Variants in DGLUCY observed in about 807,000 individuals in gnomAD.
DGLUCY encodes the protein D-glutamate cyclase, mitochondrial.
Under a neutral mutation model 58.5 loss-of-function variants are expected in DGLUCY, and 58 were observed. The ratio of observed to expected loss-of-function variants is 0.99; its 90% CI spans 0.80 to 1.23. The LOEUF is 1.23. DGLUCY is among the 50% of genes most tolerant of loss of function. The pLI, the probability that DGLUCY is intolerant of heterozygous loss-of-function variation, is 0.00. For missense variants in DGLUCY, 779 were observed against 784.7 expected, an observed-to-expected ratio of 0.99 and a Z score of 0.09; for synonymous variants, 325 against 314.1, an observed-to-expected ratio of 1.03 and a Z score of -0.37.
chr14:91,097,194 C>A (rs1040095599), intron 1 of DGLUCY, among the ~76,000 whole-genome samples: 1 of 152,110 alleles, frequency 6.6e-6, no homozygotes, highest in Non-Finnish European at 1.5e-5. Flanking sequence ...TCCAAGAGTT[C>A]AAGACCAGCC....
chr14:91,167,294 T>A lies in DGLUCY; in HGVS notation c.173T>A (p.Val58Asp), dbSNP rs778697832. Residue 58 changes from valine to aspartate, a missense_variant, in exon 4 of 14, where the codon GTC (valine) becomes GAC (aspartate). Val to Asp is a radical substitution (Grantham distance 152, BLOSUM62 -3). Transcript: ENST00000256324. ...CCAGCTTTTGAAAGATTCTGCCAGG[T>A]CAACACTGGTCCTCTACCCCTGCTG... ...LAPAFERFCQ[V>D]NTGPLPLLGQ... The A allele has an allele frequency of 1.2e-6, 2 of 1,613,704 alleles. No homozygotes were observed. Among genetic ancestry groups the A allele is most frequent in the Admixed American group, 1.7e-5 (1 of 59,846 alleles).
intron 8 of DGLUCY, among the ~76,000 whole-genome samples, chr14:91,186,765 C>T (rs1273398573): frequency 6.6e-6 from 1 of 152,132 alleles, no homozygotes; most frequent in Non-Finnish European, 1.5e-5. Context: ...CTCCAGACAG[C>T]ACTGCTCCAG....
rs1888039022 is a variant in DGLUCY at position 91,225,333 on chromosome 14, A to G, written c.*500A>G. On this transcript the variant is annotated 3_prime_UTR_variant, in exon 14 of 14. Coordinates refer to ENST00000256324, the MANE Select transcript of DGLUCY (RefSeq NM_001102368.3). ...AAATACTAAATGAAAAATTTCAGAA[A>G]TAAACAACTCTTAAGTTTTAAATTG... The G allele has an allele frequency of 6.6e-6, 1 of 152,476 alleles. No homozygotes were observed. Among genetic ancestry groups the G allele is most frequent in the Non-Finnish European group, 1.5e-5 (1 of 68,222 alleles). 9.4% of individuals were successfully genotyped at this position (152,476 alleles called of 1,614,324 possible). A position where few individuals can be genotyped will look rare whatever the true frequency, so the allele number is the denominator to read the frequency against.
At chr14:91,119,899 T>C (rs2045245851) in intron 1 of DGLUCY, among the ~76,000 whole-genome samples, 2 of 152,208 alleles carry the variant, frequency 1.3e-5, no homozygotes, top group Non-Finnish European at 2.9e-5. Context: ...CTCAAACATC[T>C]GACTCCAAGT....
chr14:91,119,996 G>A (rs1341965352), intron 1 of DGLUCY, among the ~76,000 whole-genome samples: 1 of 152,264 alleles, frequency 6.6e-6, no homozygotes, highest in Admixed American at 6.5e-5. Context: ...TGCATTGTTG[G>A]CTTCCCTACT....
At chr14:91,167,139 CAAAA>C (rs369936973) in intron 3 of DGLUCY, 82 bp from the exon 4 acceptor site, 33 of 1,206,884 alleles carry the variant, frequency 2.7e-5, no homozygotes, top group East Asian at 8.2e-5. Flanking sequence ...AACTCCGCCT[CAAAA>C]AAAAAAAAAA....
chr14:91,135,926 CTTTTTTTT>C (rs34202137), intron 1 of DGLUCY, among the ~76,000 whole-genome samples: 1 of 51,176 alleles, frequency 2.0e-5, no homozygotes, highest in African/African-American at 6.7e-5. Flanking sequence ...GATACATTAG[CTTTTTTTT>C]TTTTTTTTTT....
intron 8 of DGLUCY, 108 bp downstream of exon 8, chr14:91,181,497 A>G: frequency 1.8e-6 from 2 of 1,122,960 alleles, no homozygotes; most frequent in Non-Finnish European, 2.5e-6. Context: ...AAATGTATCC[A>G]CAGGATGATT....
intron 1 of DGLUCY, among the ~76,000 whole-genome samples, chr14:91,142,852 C>T (rs2046790211): frequency 6.9e-6 from 1 of 144,196 alleles, no homozygotes; most frequent in African/African-American, 2.7e-5. Flanking sequence ...CACACACACA[C>T]ACACACACAC....
intron 1 of DGLUCY, among the ~76,000 whole-genome samples, chr14:91,082,864 C>T (rs530953600): frequency 6.6e-6 from 1 of 152,300 alleles, no homozygotes; most frequent in Admixed American, 6.5e-5. Flanking sequence ...AGCAATCCTC[C>T]TGCCTCAGCC....
intron 8 of DGLUCY, 147 bp downstream of exon 8, chr14:91,181,536 T>G: frequency 2.7e-6 from 2 of 754,464 alleles, no homozygotes; most frequent in Non-Finnish European, 4.2e-6. Flanking sequence ...CATATAAATC[T>G]CAAAAAGACT....
intron 1 of DGLUCY, among the ~76,000 whole-genome samples, chr14:91,061,103 G>C (rs1425699382): frequency 1.3e-5 from 2 of 152,162 alleles, no homozygotes; most frequent in African/African-American, 4.8e-5. Context: ...AATCACCGTG[G>C]ACAGAGGAGG....
intron 1 of DGLUCY, among the ~76,000 whole-genome samples, chr14:91,108,446 T>C (rs2044628374): frequency 6.6e-6 from 1 of 151,388 alleles, no homozygotes; most frequent in South Asian, 2.1e-4. Flanking sequence ...TCTAAGTCTT[T>C]AGACTTGACT....
At chr14:91,074,641 A>T (rs2043988903) in intron 1 of DGLUCY, among the ~76,000 whole-genome samples, 1 of 152,214 alleles carries the variant, frequency 6.6e-6, no homozygotes, top group African/African-American at 2.4e-5. Flanking sequence ...TGACCGTAAA[A>T]CATGAAAATC....
chr14:91,223,597 C>A, intron 13 of DGLUCY: 2 of 1,146,824 alleles, frequency 1.7e-6, no homozygotes, highest in Non-Finnish European at 1.2e-6. Context: ...GTGGCTTGGG[C>A]AAGTGGTGCT....
At chr14:91,079,692 A>G (rs576616175) in intron 1 of DGLUCY, among the ~76,000 whole-genome samples, 1 of 152,354 alleles carries the variant, frequency 6.6e-6, no homozygotes, top group East Asian at 1.9e-4. Flanking sequence ...ATGATTATAA[A>G]CAACACTGTG....
chr14:91,191,607 C>A (rs113910135), intron 9 of DGLUCY, among the ~76,000 whole-genome samples: 3 of 152,138 alleles, frequency 2.0e-5, no homozygotes, highest in African/African-American at 7.2e-5. Flanking sequence ...TTCGTGGCAC[C>A]ATCTCCCAAG....
chr14:91,163,565 A>G (rs2048111038), intron 3 of DGLUCY, among the ~76,000 whole-genome samples: 1 of 152,168 alleles, frequency 6.6e-6, no homozygotes, highest in East Asian at 1.9e-4. Flanking sequence ...GGACATTCCC[A>G]GCGGATGGTT....
intron 1 of DGLUCY, among the ~76,000 whole-genome samples, chr14:91,091,653 CTGGACAAT>C (rs1318597609): frequency 6.6e-6 from 1 of 152,188 alleles, no homozygotes; most frequent in Non-Finnish European, 1.5e-5. Context: ...CATAGCCTGT[CTGGACAAT>C]TCACATGTGC....
Sources: gnomAD v4.1 joint callset for allele counts (sites outside exome capture counted in the v4.1 genomes callset) on GRCh38, gnomAD v4.1.1 for gene constraint, MANE v1.5 for transcripts, NCBI Gene and HGNC (gene_info 2026-07-23, HGNC 2026-07-21) for gene names.